The following EGF variants were observed in gnomAD, a reference collection of about 807,000 sequenced individuals.
The protein encoded by EGF is epidermal growth factor.
A neutral mutation model predicts 143.8 loss-of-function variants in EGF; 95 were observed. That is an observed-to-expected ratio of 0.66 (90% confidence interval 0.56 to 0.78). The LOEUF is 0.78. EGF is among the 30% of genes least tolerant of loss of function. EGF has a pLI of 0.00. For synonymous variants in EGF, 510 were observed against 510.5 expected (o/e 1.00, Z 0.01); for missense variants, 1,320 against 1,470.9 (o/e 0.90, Z 1.68).
At chr4:109,916,571 C>A (rs1471370510) in intron 1 of EGF, among the ~76,000 whole-genome samples, 1 of 151,980 alleles carries the variant, frequency 6.6e-6, no homozygotes, top group Non-Finnish European at 1.5e-5. Context: ...TGGGTGGCCA[C>A]CCCGGGCAGT....
intron 13 of EGF, among the ~76,000 whole-genome samples, chr4:109,978,398 T>C (rs2126110721): frequency 6.6e-6 from 1 of 152,366 alleles, no homozygotes; most frequent in East Asian, 1.9e-4. Context: ...GTGTGAGGTA[T>C]TTGTTTAAAC....
At chr4:109,951,802 C>G (rs1023494852) in intron 5 of EGF, among the ~76,000 whole-genome samples, 28 of 152,254 alleles carry the variant, frequency 1.8e-4, no homozygotes, top group African/African-American at 6.5e-4. Flanking sequence ...ACTCTATTAT[C>G]TATCATTTCA....
At chr4:109,959,847 A>T (rs1745406340) in intron 6 of EGF, among the ~76,000 whole-genome samples, 1 of 152,066 alleles carries the variant, frequency 6.6e-6, no homozygotes, top group Non-Finnish European at 1.5e-5. Flanking sequence ...TCCCAAGAAG[A>T]TCTAGTAGGA....
chr4:109,999,679 C>T lies in EGF; in HGVS notation c.3006C>T (p.Asn1002=). 1 of 1,614,152 alleles carries T rather than the reference C, an allele frequency of 6.2e-7. No individual in the cohort carries two copies. Among genetic ancestry groups the T allele is most frequent in the Non-Finnish European group, 8.5e-7 (1 of 1,180,032 alleles). ...YIEALDKYAC[N]CVVGYIGERC... ...GACCTCTGTTTGTGTGTTGTCACAG[C>T]TGTGTTGTTGGCTACATCGGGGAGC... The change falls in exon 21 of 24, where the codon AAC becomes AAT. Residue 1002 remains asparagine, a splice_region_variant and synonymous_variant. Transcript: ENST00000265171.
intron 1 of EGF, among the ~76,000 whole-genome samples, chr4:109,917,688 T>C (rs930760367): frequency 6.6e-6 from 1 of 152,192 alleles, no homozygotes; most frequent in African/African-American, 2.4e-5. Context: ...TGGCATGATC[T>C]TGGCTCACTG....
At chr4:109,969,704 T>G (rs2126084027) in intron 11 of EGF, among the ~76,000 whole-genome samples, 1 of 152,268 alleles carries the variant, frequency 6.6e-6, no homozygotes, top group South Asian at 2.1e-4. Flanking sequence ...TCGGAGCATC[T>G]GCTATGGAAA....
At chr4:109,970,779 C>T (rs1047399465) in intron 11 of EGF, among the ~76,000 whole-genome samples, 5 of 142,372 alleles carry the variant, frequency 3.5e-5, no homozygotes, top group South Asian at 2.2e-4. Flanking sequence ...GAGCGGAGAT[C>T]GCACCACTGC....
At chr4:109,994,699 C>A in intron 19 of EGF, 34 bp from the exon 20 acceptor site, 1 of 1,611,508 alleles carries the variant, frequency 6.2e-7, no homozygotes, top group South Asian at 1.1e-5. Context: ...CTAATCCATT[C>A]AGAAAGTAAA....
At position 109,964,289 on chromosome 4, in the gene EGF, C is replaced by G; in HGVS notation, c.1439-112C>G. On this transcript the variant is annotated intron_variant, in intron 9 of 23. Transcript: ENST00000265171. ...CCACACTAGAGGGAAATTAAGAAAA[C>G]AAGTACTGTAGAAATTGGGTAAAAA... The G allele has an allele frequency of 3.4e-6, 5 of 1,468,786 alleles. No homozygotes were observed. In the South Asian group the frequency reaches 5.7e-5, roughly 17 times the overall value. 91.0% of individuals were successfully genotyped at this position (1,468,786 alleles called of 1,614,324 possible).
rs768471434 is a variant in EGF at position 109,987,846 on chromosome 4, G to C, written c.2594G>C (p.Gly865Ala). The C allele has an allele frequency of 1.9e-6, 3 of 1,613,376 alleles. No individual in the cohort carries two copies. Among genetic ancestry groups the C allele is most frequent in the African/African-American group, 2.7e-5 (2 of 74,844 alleles). The change falls in exon 17 of 24, where the codon GGA becomes GCA. Residue 865 changes from glycine to alanine, a missense_variant. Around this residue, in one of 5 missense-constraint regions of EGF, gnomAD observed 1,186 missense variants for 1,313.7 expected, o/e 0.90. Coordinates refer to ENST00000265171, the MANE Select transcript of EGF (RefSeq NM_001963.6). ...CQCLKGFAGD[G>A]KLCSDIDECE... Reference sequence around the variant, plus strand: ...TGTTTGAAAGGATTTGCTGGGGATGGAAAACTATGTTCTGGTAAGAGAAAA... The same window carrying C: ...TGTTTGAAAGGATTTGCTGGGGATGCAAAACTATGTTCTGGTAAGAGAAAA...
chr4:110,003,529 C>T (rs1752847860), intron 21 of EGF, among the ~76,000 whole-genome samples: 1 of 152,196 alleles, frequency 6.6e-6, no homozygotes, highest in South Asian at 2.1e-4. Flanking sequence ...ATCCTTATCA[C>T]TCTTCCTGGA....
rs1560643572 is a variant in EGF, at chr4:109,932,383, T to TATATATATATATATAAA, written c.128-8563_128-8562insATATATATATATATAAA. Among the ~76,000 whole-genome samples the TATATATATATATATAAA allele has an allele frequency of 4.6e-5, 4 of 86,718 alleles. No homozygotes were observed. The South Asian group carries it at 1.3e-3, about 27-fold the overall frequency. The allele number at this position is 86,718 out of a possible 152,430, so 56.9% of individuals were successfully genotyped here. On this transcript the variant is annotated intron_variant, in intron 1 of 23. Coordinates refer to ENST00000265171, the MANE Select transcript of EGF (RefSeq NM_001963.6). ...GTCATATATATATATATATAAATTT[T>TATATATATATATATAAA]TTTTTTTTTTTTTGAGACGGAGTCT...
intron 11 of EGF, among the ~76,000 whole-genome samples, chr4:109,973,182 T>C (rs1173453699): frequency 6.6e-6 from 1 of 152,284 alleles, no homozygotes; most frequent in Non-Finnish European, 1.5e-5. Context: ...AGGGATGCTA[T>C]AGAGTCATGT....
At chr4:109,979,049 A>G (rs1193205957) in intron 13 of EGF, among the ~76,000 whole-genome samples, 1 of 152,224 alleles carries the variant, frequency 6.6e-6, no homozygotes, top group Non-Finnish European at 1.5e-5. Context: ...TAGAACGTTA[A>G]AACATTCCCT....
At chr4:109,914,227 T>C (rs1560615126) in intron 1 of EGF, among the ~76,000 whole-genome samples, 1 of 152,242 alleles carries the variant, frequency 6.6e-6, no homozygotes, top group Non-Finnish European at 1.5e-5. Flanking sequence ...AATCCTTGGG[T>C]GAGCCTCCAA....
chr4:109,998,419 C>T (rs372463613), intron 20 of EGF, among the ~76,000 whole-genome samples: 1 of 152,218 alleles, frequency 6.6e-6, no homozygotes. Context: ...GTGGAAAGAA[C>T]ATAGGCTTTG....
Position 109,943,272 on chromosome 4 carries a change from A to G in EGF, c.346A>G (p.Lys116Glu), listed in dbSNP as rs750562434. ...SRQERVCNIE[K>E]NVSGMAINWI... is the part of the protein sequence containing the mutation. Reference sequence around the variant, plus strand: ...TTTGCAGAGAGTATGTAATATAGAGAAAAATGTTTCTGGAATGGCAATAAA... The same window carrying G: ...TTTGCAGAGAGTATGTAATATAGAGGAAAATGTTTCTGGAATGGCAATAAA... The change falls in exon 3 of 24, where the codon AAA (lysine) becomes GAA (glutamate). Residue 116 changes from lysine (K) to glutamate (E), a missense_variant. By Grantham distance (56) the Lys-to-Glu change is moderately conservative. Transcript: ENST00000265171. 1 of 1,606,172 alleles carries G rather than the reference A, an allele frequency of 6.2e-7. No homozygotes were observed. The highest frequency in any genetic ancestry group is 8.5e-7 in the Non-Finnish European group (1 of 1,176,318).
intron 13 of EGF, among the ~76,000 whole-genome samples, chr4:109,976,443 T>C (rs534426541): frequency 6.6e-6 from 1 of 152,354 alleles, no homozygotes; most frequent in Non-Finnish European, 1.5e-5. Context: ...TCATTTCTCT[T>C]TCTGAGAAGT....
At chr4:109,916,834 T>C (rs1165567373) in intron 1 of EGF, among the ~76,000 whole-genome samples, 3 of 152,248 alleles carry the variant, frequency 2.0e-5, no homozygotes, top group African/African-American at 7.2e-5. Flanking sequence ...GAACATTTTT[T>C]ATACATGACA....
Sources: gnomAD v4.1 joint callset for allele counts (sites outside exome capture counted in the v4.1 genomes callset) on GRCh38, gnomAD v4.1.1 for gene constraint, gnomAD v4.1.1 regional missense constraint, MANE v1.5 for transcripts, NCBI Gene and HGNC (gene_info 2026-07-23, HGNC 2026-07-21) for gene names.